FBRSL1: variants seen among roughly 807,000 people sequenced by gnomAD.
FBRSL1 encodes fibrosin like 1.
Under a neutral mutation model 89.6 loss-of-function variants are expected in FBRSL1, and 51 were observed. That is an observed-to-expected ratio of 0.57 (90% confidence interval 0.45 to 0.72). FBRSL1 has a LOEUF of 0.72. FBRSL1 is among the 30% of genes least tolerant of loss of function. FBRSL1 has a pLI of 0.00. For missense variants in FBRSL1, 1,618 were observed against 1,451.8 expected (o/e 1.11, Z -1.86); for synonymous variants, 779 against 681.1 (o/e 1.14, Z -2.24).
chr12:132,544,364 T>C (rs1021493166), intron 4 of FBRSL1, among the ~76,000 whole-genome samples: 3 of 152,120 alleles, frequency 2.0e-5, no homozygotes, highest in African/African-American at 7.2e-5. Flanking sequence ...AGGAGAGACT[T>C]GATATCGGGG....
At position 132,583,682 on chromosome 12, in the gene FBRSL1, G is replaced by C; in HGVS notation, c.2913G>C (p.Pro971=). The change falls in exon 19 of 19, where the codon CCG becomes CCC. Residue 971 remains proline, a synonymous_variant. Transcript: ENST00000680143. ...CCGGGCCCCCCACGCCCCCCGGGCC[G>C]CCGCGGAGCCGGACTACTCCGCTGG... ...TAAGPPTPPG[P]PRSRTTPLGG... is the part of the protein sequence containing the mutation. 1.4e-5 allele frequency: 16 copies of C among 1,142,026 alleles called. No homozygotes were observed. Among genetic ancestry groups the C allele is most frequent in the Non-Finnish European group, 1.7e-5 (16 of 930,134 alleles). 70.7% of individuals were successfully genotyped at this position (1,142,026 alleles called of 1,614,324 possible). A position where few individuals can be genotyped will look rare whatever the true frequency, so the allele number is the denominator to read the frequency against.
At chr12:132,505,029 G>GCA (rs2136506351) in intron 1 of FBRSL1, among the ~76,000 whole-genome samples, 1 of 152,328 alleles carries the variant, frequency 6.6e-6, no homozygotes, top group East Asian at 1.9e-4. Context: ...AGGAGGCTGA[G>GCA]GCAGGAGAAT....
In FBRSL1 at chr12:132,508,240, C is replaced by G. The variant is rs377213746; in HGVS notation, c.379C>G (p.Pro127Ala). ...GCCCCGGGAGTCGGAAACCTGCCCC[C>G]CTGCGGAGCCCAGTGAGAACAGGCG... ...KKPRESETCP[P>A]AEPSENRRPL... Residue 127 changes from proline to alanine, a missense_variant, in exon 2 of 19, where the codon CCT becomes GCT. Transcript: ENST00000680143. The G allele has an allele frequency of 1.5e-5, 23 of 1,551,028 alleles. No homozygotes were observed. Among genetic ancestry groups the G allele is most frequent in the African/African-American group, 6.8e-5 (5 of 73,166 alleles).
chr12:132,573,809 C>A (rs891931770), intron 11 of FBRSL1, among the ~76,000 whole-genome samples: 1 of 152,318 alleles, frequency 6.6e-6, no homozygotes, highest in East Asian at 1.9e-4. Context: ...GCACCACTCC[C>A]CCTCTGGGTG....
At chr12:132,577,600 C>G (rs11146948) in intron 15 of FBRSL1, among the ~76,000 whole-genome samples, 113,970 of 152,040 alleles carry the variant, frequency 0.75, 42,750 homozygotes, top group East Asian at 0.82. Context: ...GAGGGCCTCC[C>G]TGCCCTCAGT....
At position 132,567,330 on chromosome 12, in the gene FBRSL1, G is replaced by A. The variant is rs149095154; in HGVS notation, c.646-151G>A. On this transcript the variant is annotated intron_variant, in intron 5 of 18. Transcript: ENST00000680143. ...ACATGCGTGGAGCTCAGGACTAAGC[G>A]TGTTCACCTCGTACACGGGGGCATC... is the stretch of plus-strand genomic sequence containing the variant. 165 of 701,628 alleles carry A rather than the reference G, an allele frequency of 2.4e-4. No individual in the cohort carries two copies. In the East Asian group the frequency reaches 3.8e-3, roughly 16 times the overall value. 43.5% of individuals were successfully genotyped at this position (701,628 alleles called of 1,614,324 possible).
At chr12:132,530,244 A>T (rs950671778) in intron 4 of FBRSL1, among the ~76,000 whole-genome samples, 1 of 152,122 alleles carries the variant, frequency 6.6e-6, no homozygotes, top group Non-Finnish European at 1.5e-5. Flanking sequence ...TCAGGGTCAG[A>T]GTGTGGAAAT....
chr12:132,583,310 G>T lies in FBRSL1; in HGVS notation c.2541G>T (p.Ala847=). The change falls in exon 19 of 19, where the codon GCG becomes GCT. Residue 847 remains alanine (A), a synonymous_variant. Transcript: ENST00000680143. ...QLGLGRERLG[A]PGFAWEPFRG... ...GCCTGGGCCGCGAGCGCCTGGGCGC[G>T]CCGGGCTTCGCGTGGGAGCCTTTCC... 1 of 1,194,646 alleles carries T rather than the reference G, an allele frequency of 8.4e-7. No homozygotes were observed. The highest frequency in any genetic ancestry group is 2.6e-5 in the South Asian group (1 of 38,236). 74.0% of individuals were successfully genotyped at this position (1,194,646 alleles called of 1,614,324 possible).
chr12:132,492,765 CCACAG>C (rs1246092532), intron 1 of FBRSL1, among the ~76,000 whole-genome samples: 1 of 152,220 alleles, frequency 6.6e-6, no homozygotes, highest in Non-Finnish European at 1.5e-5. Context: ...GTTAACACAG[CCACAG>C]CACCCCAGGG....
At chr12:132,507,562 A>G (rs1016950431) in intron 1 of FBRSL1, among the ~76,000 whole-genome samples, 3 of 152,086 alleles carry the variant, frequency 2.0e-5, no homozygotes, top group African/African-American at 7.2e-5. Flanking sequence ...GCAGGTTTAC[A>G]GGGGGCCTGG....
rs1291280812 is a variant in FBRSL1 at position 132,508,977 on chromosome 12, C to G, written c.489+627C>G. 3.3e-5 allele frequency among the ~76,000 whole-genome samples: 5 copies of G among 152,196 alleles called. No homozygotes were observed. The East Asian group carries it at 9.6e-4, about 29-fold the overall frequency. ...GCAGCTCAGCCTGCAGCTGCTTCCTCCGCGGGGGTCCGCTGGTGTGCGCCT... is the reference window on the plus strand; with the variant it reads ...GCAGCTCAGCCTGCAGCTGCTTCCTGCGCGGGGGTCCGCTGGTGTGCGCCT... On this transcript the variant is annotated intron_variant, in intron 2 of 18. Coordinates refer to ENST00000680143, the MANE Select transcript of FBRSL1 (RefSeq NM_001367871.1).
intron 2 of FBRSL1, among the ~76,000 whole-genome samples, chr12:132,512,904 C>T (rs531103387): frequency 6.6e-6 from 1 of 152,346 alleles, no homozygotes; most frequent in East Asian, 1.9e-4. Flanking sequence ...CTGGCCATGA[C>T]CCTGCAGCCT....
chr12:132,490,588 C>T lies in FBRSL1; in HGVS notation c.18C>T (p.Arg6=). The change falls in exon 1 of 19, where the codon CGC becomes CGT. Residue 6 remains arginine, a synonymous_variant. Transcript: ENST00000680143. ...GCGCGGCCATGGAGGCCAAGGTCCG[C>T]CCGAGCCGGCGCTCGCGCGCGCAGC... MEAKV[R]PSRRSRAQRD... is the part of the protein sequence containing the mutation. 3.1e-6 allele frequency: 3 copies of T among 982,656 alleles called. No homozygotes were observed. Among genetic ancestry groups the T allele is most frequent in the East Asian group, 1.1e-4 (1 of 8,782 alleles). 60.9% of individuals were successfully genotyped at this position (982,656 alleles called of 1,614,324 possible).
chr12:132,508,155 G>A lies in FBRSL1; in HGVS notation c.294G>A (p.Lys98=), dbSNP rs1026281858. 2.6e-6 allele frequency: 4 copies of A among 1,550,966 alleles called. No individual in the cohort carries two copies. Among genetic ancestry groups the A allele is most frequent in the African/African-American group, 1.4e-5 (1 of 73,062 alleles). ...ASFSTLEALE[K]DMALKPHERK... ...GGCGTTTCCCTGTCTCCCTGCAGAA[G>A]GATATGGCCCTGAAGCCACATGAGC... The change falls in exon 2 of 19, where the codon AAG becomes AAA. Residue 98 remains lysine, a splice_region_variant and synonymous_variant. Coordinates refer to ENST00000680143, the MANE Select transcript of FBRSL1 (RefSeq NM_001367871.1).
chr12:132,552,894 G>A, intron 5 of FBRSL1: 1 of 160,480 alleles, frequency 6.2e-6, no homozygotes, highest in South Asian at 1.5e-4. Flanking sequence ...CCCCGCAGTT[G>A]CTGGGCCTCC....
At chr12:132,512,922 G>A (rs11147303) in intron 2 of FBRSL1, among the ~76,000 whole-genome samples, 10,224 of 152,276 alleles carry the variant, frequency 0.067, 378 homozygotes, top group South Asian at 0.11. Context: ...CCTCCAGCTC[G>A]AACCCACTGT....
intron 2 of FBRSL1, 27 bp downstream of exon 2, chr12:132,508,377 G>C: frequency 7.2e-7 from 1 of 1,393,576 alleles, no homozygotes; most frequent in South Asian, 1.4e-5. Flanking sequence ...CCGACCGGAA[G>C]CTCTGCGGCG....
At chr12:132,511,012 G>A in intron 2 of FBRSL1, 1 of 986,926 alleles carries the variant, frequency 1.0e-6, no homozygotes, top group Non-Finnish European at 1.2e-6. Context: ...GGATCTGTGG[G>A]GTGCTGCAGT....
In FBRSL1 at chr12:132,501,314, C is replaced by T. The variant is rs145950802; in HGVS notation, c.292-6839C>T. Among the ~76,000 whole-genome samples, 1,103 of 152,324 alleles carry T rather than the reference C, an allele frequency of 7.2e-3. 18 individuals carry two copies. The highest frequency in any genetic ancestry group is 0.025 in the African/African-American group (1,055 of 41,560). ...GCCGAGCGGCGGCTGCCCCTGTGGTCCTCGCGCCCCAGGCCTGTGGCTTTA... is the reference window on the plus strand; with the variant it reads ...GCCGAGCGGCGGCTGCCCCTGTGGTTCTCGCGCCCCAGGCCTGTGGCTTTA... On this transcript the variant is annotated intron_variant, in intron 1 of 18. Transcript: ENST00000680143.
Sources: allele counts gnomAD v4.1 joint callset (sites outside exome capture counted in the v4.1 genomes callset), GRCh38; gene constraint gnomAD v4.1.1; transcripts MANE v1.5; gene names NCBI Gene and HGNC (gene_info 2026-07-23, HGNC 2026-07-21).